The following SLC4A1AP variants were observed in gnomAD, a reference collection of about 807,000 sequenced individuals.
The protein encoded by SLC4A1AP is kanadaptin.
A neutral mutation model predicts 89.7 loss-of-function variants in SLC4A1AP; 64 were observed. The observed-to-expected ratio is 0.71, with a 90% CI of 0.58 to 0.88. SLC4A1AP has a LOEUF of 0.88. Among genes scored for constraint, SLC4A1AP ranks in the 40% least tolerant of loss-of-function variants. The pLI, the probability that SLC4A1AP is intolerant of heterozygous loss-of-function variation, is 0.00. For missense variants in SLC4A1AP, 931 were observed against 965.0 expected (o/e 0.96, Z 0.47); for synonymous variants, 366 against 353.3 (o/e 1.04, Z -0.40).
At position 27,694,964 on chromosome 2, in the gene SLC4A1AP, C is replaced by CA. The variant is rs1572998785; in HGVS notation, c.*286dup. 5 of 291,750 alleles carry CA rather than the reference C, an allele frequency of 1.7e-5. No homozygotes were observed. The East Asian group carries it at 1.7e-4, about 10-fold the overall frequency. 18.1% of individuals were successfully genotyped at this position (291,750 alleles called of 1,614,324 possible). ...ACATGATCCTATTAAAATAAGAAGG[C>CA]AAAAATGTTCCTAATATTTTATTTT... On this transcript the variant is annotated 3_prime_UTR_variant, in exon 14 of 14. Coordinates refer to ENST00000613058, the Ensembl canonical transcript of SLC4A1AP.
At chr2:27,664,692 A>T (rs1484700403) in intron 1 of SLC4A1AP, 115 bp downstream of exon 1, 1 of 794,536 alleles carries the variant, frequency 1.3e-6, no homozygotes, top group East Asian at 2.6e-5. Context: ...AAAGTGAAGG[A>T]ATCAAGTCTG....
intron 9 of SLC4A1AP, among the ~76,000 whole-genome samples, chr2:27,682,711 A>G (rs1675641009): frequency 6.6e-6 from 1 of 151,802 alleles, no homozygotes; most frequent in Non-Finnish European, 1.5e-5. Context: ...TTTTAGTAGG[A>G]TGGGACTTCA....
At chr2:27,664,193 T>C (rs1266401281) in exon 1 of SLC4A1AP, 1 of 1,613,836 alleles carries the variant, frequency 6.2e-7, no homozygotes, top group East Asian at 2.2e-5. Context: ...CCCCTGGCGG[T>C]CCAGCCCGGG....
Position 27,665,230 on chromosome 2 carries a change from A to T in SLC4A1AP, c.956A>T (p.Asp319Val). The T allele has an allele frequency of 6.2e-7, 1 of 1,613,746 alleles. No individual in the cohort carries two copies. Among genetic ancestry groups the T allele is most frequent in the Non-Finnish European group, 8.5e-7 (1 of 1,179,708 alleles). ...GACTCAGATGAAGAAGAGGAAATGG[A>T]TACCTCTGAAAGGAAGATAAATGCT... The change falls in exon 2 of 14, where the codon GAT (aspartate) becomes GTT (valine). Residue 319 changes from aspartate (D) to valine (V), a missense_variant. Asp to Val is a radical substitution (Grantham distance 152, BLOSUM62 -3). Transcript: ENST00000613058.
At chr2:27,680,540 C>G (rs1675603216) in intron 8 of SLC4A1AP, among the ~76,000 whole-genome samples, 1 of 151,966 alleles carries the variant, frequency 6.6e-6, no homozygotes, top group South Asian at 2.1e-4. Flanking sequence ...AGTCCCAGAA[C>G]TTTAGGAGAG....
At chr2:27,664,696 A>T (rs1312259342) in intron 1 of SLC4A1AP, 119 bp downstream of exon 1, 1 of 760,308 alleles carries the variant, frequency 1.3e-6, no homozygotes, top group Non-Finnish European at 2.1e-6. Flanking sequence ...TGAAGGAATC[A>T]AGTCTGGCCT....
At chr2:27,664,093 G>T in exon 1 of SLC4A1AP, 3 of 1,614,144 alleles carry the variant, frequency 1.9e-6, no homozygotes, top group Non-Finnish European at 2.5e-6. Context: ...TCCAATTCTG[G>T]GGAGCCCGAC....
intron 12 of SLC4A1AP, among the ~76,000 whole-genome samples, chr2:27,690,060 G>A (rs1675765134): frequency 6.6e-6 from 1 of 152,204 alleles, no homozygotes; most frequent in African/African-American, 2.4e-5. Context: ...GGTTACTTAT[G>A]TCAAGATCAT....
chr2:27,690,480 T>TTTTTTA (rs1225067388), intron 12 of SLC4A1AP, among the ~76,000 whole-genome samples: 3 of 152,116 alleles, frequency 2.0e-5, no homozygotes, highest in African/African-American at 7.2e-5. Flanking sequence ...AAAAATTTTA[T>TTTTTTA]TTTTTATTTT....
chr2:27,664,204 C>T (rs1675258443), exon 1 of SLC4A1AP: 1 of 1,614,132 alleles, frequency 6.2e-7, no homozygotes, highest in Non-Finnish European at 8.5e-7. Flanking sequence ...CCAGCCCGGG[C>T]TCCCCCCTAC....
chr2:27,679,707 AC>A (rs1419992454), intron 8 of SLC4A1AP, among the ~76,000 whole-genome samples: 1 of 152,228 alleles, frequency 6.6e-6, no homozygotes, highest in African/African-American at 2.4e-5. Flanking sequence ...AAGATAAGTA[AC>A]AAAAGCAAGG....
At chr2:27,664,849 C>G (rs1675280920) in intron 1 of SLC4A1AP, among the ~76,000 whole-genome samples, 1 of 151,784 alleles carries the variant, frequency 6.6e-6, no homozygotes, top group Non-Finnish European at 1.5e-5. Flanking sequence ...GGGAGGATCG[C>G]TTTAGCCCAG....
intron 9 of SLC4A1AP, among the ~76,000 whole-genome samples, chr2:27,682,930 A>G (rs1232949526): frequency 1.3e-5 from 2 of 152,204 alleles, no homozygotes; most frequent in African/African-American, 4.8e-5. Context: ...TAGTTTATTA[A>G]TTTCTCATGA....
intron 2 of SLC4A1AP, among the ~76,000 whole-genome samples, chr2:27,667,012 C>T (rs2148130579): frequency 6.6e-6 from 1 of 151,916 alleles, no homozygotes; most frequent in South Asian, 2.1e-4. Flanking sequence ...GGATTACAGA[C>T]ACCCGCCACT....
chr2:27,687,419 C>G (rs574172854), intron 10 of SLC4A1AP, among the ~76,000 whole-genome samples: 6 of 150,520 alleles, frequency 4.0e-5, no homozygotes, highest in Admixed American at 2.0e-4. Context: ...TCTATCTCTA[C>G]AAAAAATTAA....
exon 1 of SLC4A1AP, chr2:27,664,080 G>C: frequency 6.2e-7 from 1 of 1,614,190 alleles, no homozygotes. Context: ...TGCGTTGCAG[G>C]ACTCCAATTC....
In SLC4A1AP at chr2:27,693,781, C is replaced by T. The variant is rs776159744; in HGVS notation, c.2341+27C>T. ...TAGATTGTTTTTACTTTTTTTTCCTCTAAGGTTCATTTATTTATATTTTTG... is the reference window on the plus strand; with the variant it reads ...TAGATTGTTTTTACTTTTTTTTCCTTTAAGGTTCATTTATTTATATTTTTG... On this transcript the variant is annotated intron_variant, in intron 13 of 13. Coordinates refer to ENST00000613058, the Ensembl canonical transcript of SLC4A1AP. 5.2e-6 allele frequency: 8 copies of T among 1,550,488 alleles called. No homozygotes were observed. The Admixed American group carries it at 1.2e-4, about 24-fold the overall frequency.
intron 3 of SLC4A1AP, among the ~76,000 whole-genome samples, chr2:27,667,656 ATTC>A (rs1435817018): frequency 6.6e-6 from 1 of 152,092 alleles, no homozygotes; most frequent in Non-Finnish European, 1.5e-5. Context: ...GACTCATCTC[ATTC>A]TTCTCAAAAG....
At chr2:27,669,084 TAGAA>T (rs914270685) in intron 4 of SLC4A1AP, among the ~76,000 whole-genome samples, 160 bp from the exon 5 acceptor site, 9 of 151,980 alleles carry the variant, frequency 5.9e-5, no homozygotes, top group South Asian at 2.1e-4. Context: ...GGGTAAGAAA[TAGAA>T]AGAAAATATT....
Sources: gnomAD v4.1 joint callset for allele counts (sites outside exome capture counted in the v4.1 genomes callset) on GRCh38, gnomAD v4.1.1 for gene constraint, MANE v1.5 for transcripts, NCBI Gene and HGNC (gene_info 2026-07-23, HGNC 2026-07-21) for gene names.